The following CNTNAP2 variants were observed in gnomAD, a reference collection of about 807,000 sequenced individuals.
CNTNAP2 encodes contactin-associated protein-like 2.
A neutral mutation model predicts 155.2 loss-of-function variants in CNTNAP2; 98 were observed. The ratio of observed to expected loss-of-function variants is 0.63; its 90% confidence interval spans 0.54 to 0.75. The LOEUF (loss-of-function observed/expected upper bound fraction) is 0.75, where lower values mean the gene tolerates loss of function less well. CNTNAP2 is among the 30% of genes least tolerant of loss of function. The pLI is 0.00. For missense variants in CNTNAP2, 1,727 were observed against 1,688.1 expected (o/e 1.02, Z -0.40); for synonymous variants, 651 against 631.2 (o/e 1.03, Z -0.47).
chr7:147,177,791 G>A (rs1187492696), intron 8 of CNTNAP2, among the ~76,000 whole-genome samples: 6 of 152,038 alleles, frequency 3.9e-5, no homozygotes, highest in African/African-American at 1.2e-4. Flanking sequence ...CAGCACATGG[G>A]TAGGCTAATT....
At chr7:147,088,962 A>G (rs1800340127) in intron 4 of CNTNAP2, among the ~76,000 whole-genome samples, 1 of 151,962 alleles carries the variant, frequency 6.6e-6, no homozygotes, top group Non-Finnish European at 1.5e-5. Flanking sequence ...TAAATGAAAG[A>G]AGAAAGAAAG....
chr7:147,813,593 A>G (rs532073246), intron 13 of CNTNAP2, among the ~76,000 whole-genome samples: 8 of 152,254 alleles, frequency 5.3e-5, no homozygotes, highest in African/African-American at 1.9e-4. Flanking sequence ...TGCTCACTGA[A>G]CCTCCTAGCA....
At chr7:147,588,898 C>A (rs1001881173) in intron 12 of CNTNAP2, among the ~76,000 whole-genome samples, 2 of 152,240 alleles carry the variant, frequency 1.3e-5, no homozygotes, top group African/African-American at 2.4e-5. Context: ...ATTGTAGGGA[C>A]CACGAAAAGA....
intron 13 of CNTNAP2, among the ~76,000 whole-genome samples, chr7:147,711,196 C>T (rs1382960111): frequency 6.6e-6 from 1 of 152,152 alleles, no homozygotes; most frequent in African/African-American, 2.4e-5. Context: ...TGCTTAGTCC[C>T]TGTAAGGATT....
At chr7:146,678,323 C>T (rs11976495) in intron 1 of CNTNAP2, among the ~76,000 whole-genome samples, 1 of 152,114 alleles carries the variant, frequency 6.6e-6, no homozygotes, top group East Asian at 1.9e-4. Flanking sequence ...ATCCACCAAC[C>T]TCAGCCTCCA....
chr7:147,097,400 C>G (rs887910147), intron 4 of CNTNAP2: 1 of 152,226 alleles, frequency 6.6e-6, no homozygotes, highest in East Asian at 1.9e-4. Flanking sequence ...ACACTGGGCA[C>G]TTTACAAAAG....
intron 15 of CNTNAP2, among the ~76,000 whole-genome samples, chr7:148,052,770 A>G (rs2527046): frequency 0.76 from 116,229 of 152,274 alleles, 45,242 homozygotes; most frequent in African/African-American, 0.91. Flanking sequence ...CTCCTAGGCC[A>G]GGCACAGTGG....
rs547457509 is a variant in CNTNAP2 at position 146,283,894 on chromosome 7, T to C, written c.97+166921T>C. Among the ~76,000 whole-genome samples, 308 of 152,198 alleles carry C rather than the reference T, an allele frequency of 2.0e-3. 3 individuals carry two copies. The highest frequency in any genetic ancestry group is 7.0e-3 in the African/African-American group (289 of 41,522). On this transcript the variant is annotated intron_variant, in intron 1 of 23. Coordinates refer to ENST00000361727, the MANE Select transcript of CNTNAP2 (RefSeq NM_014141.6). Reference sequence around the variant, plus strand: ...AATGAAAGGTGGCTAAAGAAGATTCTTAAAAAAAGTCTCAGAACCAGTCTT... The same window carrying C: ...AATGAAAGGTGGCTAAAGAAGATTCCTAAAAAAAGTCTCAGAACCAGTCTT...
intron 8 of CNTNAP2, among the ~76,000 whole-genome samples, chr7:147,147,535 T>G (rs1033037656): frequency 3.3e-4 from 51 of 152,280 alleles, no homozygotes; most frequent in African/African-American, 1.2e-3. Flanking sequence ...GAAGGCATGA[T>G]AGAGCAAGGA....
intron 21 of CNTNAP2, among the ~76,000 whole-genome samples, chr7:148,364,022 C>T (rs1282638139): frequency 3.9e-5 from 6 of 152,244 alleles, no homozygotes; most frequent in East Asian, 1.9e-4. Context: ...CTCGATTTCT[C>T]GCCGGGCCTT....
chr7:147,987,611 C>T lies in CNTNAP2; in HGVS notation c.2383+9622C>T, dbSNP rs554951286. ...GAGTGACCATGGCCCATGACACAGCCCTCAAGAAGTCCTGAGAATGTGTGC... is the reference window on the plus strand; with the variant it reads ...GAGTGACCATGGCCCATGACACAGCTCTCAAGAAGTCCTGAGAATGTGTGC... On this transcript the variant is annotated intron_variant, in intron 15 of 23. Coordinates refer to ENST00000361727, the MANE Select transcript of CNTNAP2 (RefSeq NM_014141.6). Among the ~76,000 whole-genome samples, 51 of 152,282 alleles carry T rather than the reference C, an allele frequency of 3.3e-4. No homozygotes were observed. In the South Asian group the frequency reaches 0.011, roughly 32 times the overall value.
chr7:147,921,641 C>A (rs1800282128), intron 14 of CNTNAP2, among the ~76,000 whole-genome samples: 1 of 152,148 alleles, frequency 6.6e-6, no homozygotes, highest in African/African-American at 2.4e-5. Flanking sequence ...ATCTTTAGGG[C>A]TTTGAGAAGT....
chr7:147,406,201 A>G (rs576551849), intron 10 of CNTNAP2, among the ~76,000 whole-genome samples: 2 of 129,096 alleles, frequency 1.5e-5, no homozygotes, highest in African/African-American at 3.1e-5. Flanking sequence ...AAGAAAAGGA[A>G]AGGAGAGGAG....
rs1306711167 is a variant in CNTNAP2, at chr7:147,527,755, C to CA, written c.1778-34379dup. On this transcript the variant is annotated intron_variant, in intron 11 of 23. Transcript: ENST00000361727. ...TCATTCCCTTAGGAAGCCCTTTTTACAAAAGCAAAGTTGGCTTCTGTCATA... is the reference window on the plus strand; with the variant it reads ...TCATTCCCTTAGGAAGCCCTTTTTACAAAAAGCAAAGTTGGCTTCTGTCATA... Among the ~76,000 whole-genome samples, 3 of 152,272 alleles carry CA rather than the reference C, an allele frequency of 2.0e-5. No homozygotes were observed. In the East Asian group the frequency reaches 5.8e-4, roughly 29 times the overall value.
intron 1 of CNTNAP2, among the ~76,000 whole-genome samples, chr7:146,171,888 T>C (rs1489552030): frequency 6.6e-6 from 1 of 152,082 alleles, no homozygotes; most frequent in African/African-American, 2.4e-5. Flanking sequence ...ATATGGAATC[T>C]ATTTCATGTC....
chr7:147,014,526 A>T (rs776827509), intron 3 of CNTNAP2, among the ~76,000 whole-genome samples: 2 of 152,294 alleles, frequency 1.3e-5, no homozygotes, highest in Admixed American at 6.5e-5. Flanking sequence ...AGTAGAGAAC[A>T]TAGCATGGAT....
intron 10 of CNTNAP2, among the ~76,000 whole-genome samples, chr7:147,415,033 C>A (rs997679093): frequency 6.7e-6 from 1 of 150,086 alleles, no homozygotes; most frequent in African/African-American, 2.5e-5. Context: ...GAGGGCAAGA[C>A]AAAGTCAAGG....
At chr7:147,655,322 C>T (rs1224833187) in intron 13 of CNTNAP2, among the ~76,000 whole-genome samples, 1 of 151,122 alleles carries the variant, frequency 6.6e-6, no homozygotes, top group African/African-American at 2.4e-5. Context: ...GGGGTTTTAT[C>T]GTGTTTGCCA....
At position 148,363,212 on chromosome 7, in the gene CNTNAP2, A is replaced by G. The variant is rs543293001; in HGVS notation, c.3476-20437A>G. 5.9e-5 allele frequency among the ~76,000 whole-genome samples: 9 copies of G among 152,184 alleles called. No homozygotes were observed. The South Asian group carries it at 1.5e-3, about 25-fold the overall frequency. On this transcript the variant is annotated intron_variant, in intron 21 of 23. Transcript: ENST00000361727. ...TGGCCTGGCTGGTCTCAAACTCCCA[A>G]CCTCATGTGATCCGCCTGCCTCGGC...
Sources: gnomAD v4.1 joint callset for allele counts (sites outside exome capture counted in the v4.1 genomes callset) on GRCh38, gnomAD v4.1.1 for gene constraint, MANE v1.5 for transcripts, NCBI Gene and HGNC (gene_info 2026-07-23, HGNC 2026-07-21) for gene names.